The following RNF34 variants were observed in gnomAD, a reference collection of about 807,000 sequenced individuals.
The protein encoded by RNF34 is ring finger protein 34.
In RNF34, 12 loss-of-function variants were observed where a neutral mutation model predicts 37.9. That is an observed-to-expected ratio of 0.32 (90% CI 0.20 to 0.51). The LOEUF is 0.51. Among genes scored for constraint, RNF34 ranks in the 20% least tolerant of loss-of-function variants. RNF34 has a pLI of 0.97. For missense variants in RNF34, 362 were observed against 472.7 expected, an observed-to-expected ratio of 0.77 and a Z score of 2.17; for synonymous variants, 155 against 177.2, an observed-to-expected ratio of 0.87 and a Z score of 1.00.
In RNF34 at chr12:121,424,137, G is replaced by A. The variant is rs2090500493; in HGVS notation, c.*561G>A. 6.5e-6 allele frequency: 1 copy of A among 152,760 alleles called. No homozygotes were observed. Among genetic ancestry groups the A allele is most frequent in the African/African-American group, 2.4e-5 (1 of 41,458 alleles). The allele number at this position is 152,760 out of a possible 1,614,324, so 9.5% of individuals were successfully genotyped here. A position where few individuals can be genotyped will look rare whatever the true frequency, so the allele number is the denominator to read the frequency against. On this transcript the variant is annotated 3_prime_UTR_variant, in exon 6 of 6. Transcript: ENST00000361234. ...TGGGAACAACTGACATTCTCTAGTC[G>A]ACTGCCAGGGCCTTAGACTCCACAT...
At chr12:121,422,406 G>C (rs1872246741) in intron 5 of RNF34, among the ~76,000 whole-genome samples, 1 of 152,152 alleles carries the variant, frequency 6.6e-6, no homozygotes, top group African/African-American at 2.4e-5. Flanking sequence ...CACACAGAAG[G>C]AGAGACCAAG....
intron 1 of RNF34, chr12:121,409,618 T>A (rs1870857686): frequency 6.6e-6 from 1 of 152,180 alleles, no homozygotes; most frequent in Non-Finnish European, 1.5e-5. Flanking sequence ...CACAGACCAG[T>A]GAAATCAGAA....
At position 121,423,894 on chromosome 12, in the gene RNF34, T is replaced by C; in HGVS notation, c.*318T>C. 2 of 263,164 alleles carry C rather than the reference T, an allele frequency of 7.6e-6. No individual in the cohort carries two copies. The highest frequency in any genetic ancestry group is 1.5e-5 in the Non-Finnish European group (2 of 137,606). The allele number at this position is 263,164 out of a possible 1,614,324, so 16.3% of individuals were successfully genotyped here. A position where few individuals can be genotyped will look rare whatever the true frequency, so the allele number is the denominator to read the frequency against. On this transcript the variant is annotated 3_prime_UTR_variant, in exon 6 of 6. Transcript: ENST00000361234. The surrounding 1 kb of genome is among the most constrained non-coding windows in gnomAD (Gnocchi z 4.3). Reference sequence around the variant, plus strand: ...TCTTGGGAGGACACTTATCCTGTTCTCTTATTTCCCCTTCATCCTATTTTT... The same window carrying C: ...TCTTGGGAGGACACTTATCCTGTTCCCTTATTTCCCCTTCATCCTATTTTT...
At position 121,417,422 on chromosome 12, in the gene RNF34, A is replaced by AT; in HGVS notation, c.226-78dup. The AT allele has an allele frequency of 7.9e-7, 1 of 1,264,030 alleles. No individual in the cohort carries two copies. Among genetic ancestry groups the AT allele is most frequent in the Non-Finnish European group, 1.1e-6 (1 of 911,636 alleles). The allele number at this position is 1,264,030 out of a possible 1,614,324, so 78.3% of individuals were successfully genotyped here. ...GGACTTCACTAAGAACTAAAATTAA[A>AT]TTTTAGTAGAAGGCAGAAAGAAAAC... is the stretch of plus-strand genomic sequence containing the variant. On this transcript the variant is annotated intron_variant, in intron 2 of 5. Transcript: ENST00000361234. This position sits in a 1 kb window ranked among gnomAD's most constrained non-coding sequence, Gnocchi z 5.0.
intron 1 of RNF34, 119 bp downstream of exon 1, chr12:121,400,337 G>A: frequency 8.1e-7 from 1 of 1,231,928 alleles, no homozygotes; most frequent in Non-Finnish European, 1.1e-6. Flanking sequence ...GGAGAGCTGC[G>A]CTGAGGGGGG....
At chr12:121,404,401 T>TTC (rs1870312784) in intron 1 of RNF34, among the ~76,000 whole-genome samples, 2 of 136,450 alleles carry the variant, frequency 1.5e-5, no homozygotes, top group South Asian at 5.0e-4. Flanking sequence ...TTTTTTTTTT[T>TTC]TTTTTTTTTT....
At chr12:121,421,827 A>C (rs373654787) in intron 5 of RNF34, among the ~76,000 whole-genome samples, 229 of 152,274 alleles carry the variant, frequency 1.5e-3, no homozygotes, top group African/African-American at 5.2e-3. Flanking sequence ...TTATGTTCCT[A>C]TCTAGCTTAA....
intron 1 of RNF34, chr12:121,402,656 C>A: frequency 2.7e-6 from 2 of 751,994 alleles, no homozygotes; most frequent in South Asian, 1.9e-5. Flanking sequence ...TTGTGCTAAT[C>A]TGGGTTCTTC....
chr12:121,421,164 T>A (rs1872092590), intron 5 of RNF34, among the ~76,000 whole-genome samples: 1 of 152,056 alleles, frequency 6.6e-6, no homozygotes, highest in South Asian at 2.1e-4. Context: ...GAAAATTCCC[T>A]ATAGCCCAGA....
At chr12:121,415,821 G>C (rs1847065567) in intron 1 of RNF34, among the ~76,000 whole-genome samples, 1 of 147,502 alleles carries the variant, frequency 6.8e-6, no homozygotes, top group Admixed American at 6.8e-5. Flanking sequence ...ATATACCACA[G>C]GACAGACTTT....
chr12:121,402,911 A>G, intron 1 of RNF34: 1 of 819,424 alleles, frequency 1.2e-6, no homozygotes, highest in Non-Finnish European at 2.1e-6. Flanking sequence ...TGTTTTTGCA[A>G]CCTGCTTAAT....
At chr12:121,401,208 A>G (rs1869959327) in intron 1 of RNF34, among the ~76,000 whole-genome samples, 1 of 152,092 alleles carries the variant, frequency 6.6e-6, no homozygotes, top group South Asian at 2.1e-4. Flanking sequence ...TGTTTTGTTG[A>G]ACGTTTTCTG....
At chr12:121,404,838 T>C (rs1461291917) in intron 1 of RNF34, 2 of 152,226 alleles carry the variant, frequency 1.3e-5, no homozygotes, top group African/African-American at 4.8e-5. Context: ...TGAAGTATTT[T>C]CTCCCCACAG....
chr12:121,402,414 G>A (rs1055190917), intron 1 of RNF34, among the ~76,000 whole-genome samples: 5 of 152,172 alleles, frequency 3.3e-5, no homozygotes, highest in South Asian at 2.1e-4. Context: ...TACGGAATGG[G>A]TATTTACTTT....
At chr12:121,403,106 G>A (rs1411701220) in intron 1 of RNF34, among the ~76,000 whole-genome samples, 2 of 152,060 alleles carry the variant, frequency 1.3e-5, no homozygotes, top group African/African-American at 4.8e-5. Flanking sequence ...GCTCTAAATA[G>A]GATAAAGAGG....
intron 1 of RNF34, 123 bp downstream of exon 1, chr12:121,400,341 A>G (rs1445887945): frequency 1.7e-6 from 2 of 1,211,330 alleles, no homozygotes; most frequent in Non-Finnish European, 2.3e-6. Context: ...AGCTGCGCTG[A>G]GGGGGGTCGC....
intron 1 of RNF34, 121 bp downstream of exon 1, chr12:121,400,339 T>C: frequency 4.1e-6 from 5 of 1,224,936 alleles, no homozygotes; most frequent in Non-Finnish European, 5.6e-6. Context: ...AGAGCTGCGC[T>C]GAGGGGGGTC....
chr12:121,402,614 T>C (rs1870105792), intron 1 of RNF34: 1 of 545,274 alleles, frequency 1.8e-6, no homozygotes, highest in Admixed American at 3.0e-5. Flanking sequence ...CTCTTTCCCA[T>C]TTTTCCTTAT....
chr12:121,410,149 C>T (rs549734944), intron 1 of RNF34, among the ~76,000 whole-genome samples: 15 of 143,094 alleles, frequency 1.0e-4, no homozygotes, highest in Admixed American at 8.7e-4. Context: ...AGCGAAACTC[C>T]GTCTCAAAAA....
Sources: gnomAD v4.1 joint callset for allele counts (sites outside exome capture counted in the v4.1 genomes callset) on GRCh38, gnomAD v4.1.1 for gene constraint, Gnocchi (gnomAD v3.1) non-coding constraint, MANE v1.5 for transcripts, NCBI Gene and HGNC (gene_info 2026-07-23, HGNC 2026-07-21) for gene names.